GOLGA7B: variants seen among roughly 807,000 people sequenced by gnomAD.
GOLGA7B encodes golgin subfamily A member 7B.
Under a neutral mutation model 21.5 loss-of-function variants are expected in GOLGA7B, and 17 were observed. The observed-to-expected ratio is 0.79, with a 90% confidence interval of 0.54 to 1.19. The LOEUF is 1.19. Among genes scored for constraint, GOLGA7B ranks in the 50% most tolerant of loss-of-function variants. The pLI is 0.00. For synonymous variants in GOLGA7B, 87 were observed against 84.0 expected, an observed-to-expected ratio of 1.04 and a Z score of -0.19; for missense variants, 169 against 224.4, an observed-to-expected ratio of 0.75 and a Z score of 1.58.
chr10:97,868,204 A>G lies in GOLGA7B; in HGVS notation c.*2504A>G, dbSNP rs1488900309. On this transcript the variant is annotated 3_prime_UTR_variant, in exon 5 of 5. Coordinates refer to ENST00000370602, the MANE Select transcript of GOLGA7B (RefSeq NM_001010917.3). Reference sequence around the variant, plus strand: ...TCTTGAATTTTATAATTTATTGAGCACCTACTATGTGCCAGATACTTTGCT... The same window carrying G: ...TCTTGAATTTTATAATTTATTGAGCGCCTACTATGTGCCAGATACTTTGCT... The G allele has an allele frequency of 6.6e-6, 1 of 152,230 alleles. No individual in the cohort carries two copies. Among genetic ancestry groups the G allele is most frequent in the Admixed American group, 6.5e-5 (1 of 15,282 alleles). 9.4% of individuals were successfully genotyped at this position (152,230 alleles called of 1,614,324 possible).
chr10:97,865,562 C>T (rs56007204), intron 4 of GOLGA7B, 28 bp from the exon 5 acceptor site: 294,233 of 1,608,842 alleles, frequency 0.18, 30,379 homozygotes, highest in Middle Eastern at 0.25. Flanking sequence ...CAGCTGGGCT[C>T]GCAGCTCTCC....
intron 1 of GOLGA7B, among the ~76,000 whole-genome samples, chr10:97,855,526 T>G (rs1228442081): frequency 2.0e-5 from 3 of 152,168 alleles, no homozygotes; most frequent in African/African-American, 4.8e-5. Flanking sequence ...CATGGACTAT[T>G]AGAAAGAGAA....
At chr10:97,853,589 T>A (rs1328688080) in intron 1 of GOLGA7B, among the ~76,000 whole-genome samples, 1 of 152,158 alleles carries the variant, frequency 6.6e-6, no homozygotes, top group Non-Finnish European at 1.5e-5. Flanking sequence ...CTCGGCCCTG[T>A]CTTCACTCTG....
chr10:97,850,264 C>T lies in GOLGA7B; in HGVS notation c.-40C>T, dbSNP rs1286987552. On this transcript the variant is annotated 5_prime_UTR_variant, in exon 1 of 5. Transcript: ENST00000370602. ...CGGGGTCAGCACCGCGGAGACCCCC[C>T]TCGCCCGGCCCCGCGACAGCCTCCG... The T allele has an allele frequency of 6.9e-7, 1 of 1,456,718 alleles. No individual in the cohort carries two copies. The highest frequency in any genetic ancestry group is 9.1e-7 in the Non-Finnish European group (1 of 1,102,068). The allele number at this position is 1,456,718 out of a possible 1,614,324, so 90.2% of individuals were successfully genotyped here.
rs532389847 is a variant in GOLGA7B at position 97,867,877 on chromosome 10, A to G, written c.*2177A>G. 461 of 152,340 alleles carry G rather than the reference A, an allele frequency of 3.0e-3. 1 individual carries two copies. Among genetic ancestry groups the G allele is most frequent in the Non-Finnish European group, 5.0e-3 (339 of 68,082 alleles). 9.4% of individuals were successfully genotyped at this position (152,340 alleles called of 1,614,324 possible). A position where few individuals can be genotyped will look rare whatever the true frequency, so the allele number is the denominator to read the frequency against. On this transcript the variant is annotated 3_prime_UTR_variant, in exon 5 of 5. Transcript: ENST00000370602. ...AGCAGGATGAACTCTGTCTTCTTGGAGCTTGCAGTCTACTGAAGAGGCAGA... is the reference window on the plus strand; with the variant it reads ...AGCAGGATGAACTCTGTCTTCTTGGGGCTTGCAGTCTACTGAAGAGGCAGA...
At chr10:97,856,822 G>A (rs1017804847) in intron 1 of GOLGA7B, among the ~76,000 whole-genome samples, 6 of 152,112 alleles carry the variant, frequency 3.9e-5, no homozygotes, top group Admixed American at 1.3e-4. Context: ...GCATTTCTCT[G>A]ATGCTTATTG....
chr10:97,855,145 C>T (rs1035297816), intron 1 of GOLGA7B, among the ~76,000 whole-genome samples: 5 of 152,184 alleles, frequency 3.3e-5, no homozygotes, highest in Non-Finnish European at 5.9e-5. Flanking sequence ...TAGAGACACA[C>T]GCCTTCAGGA....
chr10:97,860,386 A>C (rs1260190936), intron 2 of GOLGA7B, among the ~76,000 whole-genome samples: 1 of 150,776 alleles, frequency 6.6e-6, no homozygotes, highest in Non-Finnish European at 1.5e-5. Flanking sequence ...TTTTCCCTTG[A>C]TGGAAATCCA....
In GOLGA7B at chr10:97,868,193, A is replaced by G. The variant is rs983063552; in HGVS notation, c.*2493A>G. On this transcript the variant is annotated 3_prime_UTR_variant, in exon 5 of 5. Coordinates refer to ENST00000370602, the MANE Select transcript of GOLGA7B (RefSeq NM_001010917.3). ...GCAGAGTTGTGTCTTGAATTTTATA[A>G]TTTATTGAGCACCTACTATGTGCCA... is the stretch of plus-strand genomic sequence containing the variant. The G allele has an allele frequency of 6.6e-5, 10 of 152,340 alleles. No homozygotes were observed. The highest frequency in any genetic ancestry group is 3.4e-3 in the Middle Eastern group (1 of 294). The allele number at this position is 152,340 out of a possible 1,614,324, so 9.4% of individuals were successfully genotyped here. A position where few individuals can be genotyped will look rare whatever the true frequency, so the allele number is the denominator to read the frequency against.
At chr10:97,854,937 C>A (rs528972628) in intron 1 of GOLGA7B, among the ~76,000 whole-genome samples, 1 of 152,278 alleles carries the variant, frequency 6.6e-6, no homozygotes, top group South Asian at 2.1e-4. Flanking sequence ...CAGGGCTCCA[C>A]CAGCCTCCAT....
At chr10:97,865,524 C>T (rs370716747) in intron 4 of GOLGA7B, 66 bp from the exon 5 acceptor site, 350 of 1,587,438 alleles carry the variant, frequency 2.2e-4, no homozygotes, top group South Asian at 5.3e-4. Flanking sequence ...GGACTCCATC[C>T]GCTGGTTCAT....
rs759344235 is a variant in GOLGA7B, at chr10:97,864,071, C to G, written c.280C>G (p.His94Asp). Residue 94 changes from histidine to aspartate, a missense_variant, in exon 3 of 5, where the codon CAC becomes GAC. His to Asp is a moderately conservative substitution (Grantham distance 81, BLOSUM62 -1). Transcript: ENST00000370602. ...AYFIFLCMET[H>D]YEKVLKKISR... The stretch of plus-strand genomic sequence containing the variant: ...CTTCATCTTCCTCTGCATGGAGACC[C>G]ACTATGAGAAGGTGGCCCCTCCCGC... 1 of 1,614,020 alleles carries G rather than the reference C, an allele frequency of 6.2e-7. No individual in the cohort carries two copies. Among genetic ancestry groups the G allele is most frequent in the Non-Finnish European group, 8.5e-7 (1 of 1,179,894 alleles).
intron 2 of GOLGA7B, among the ~76,000 whole-genome samples, chr10:97,863,561 T>G (rs371988533): frequency 3.9e-5 from 6 of 152,224 alleles, no homozygotes; most frequent in African/African-American, 9.6e-5. Context: ...TCAAAGTCAC[T>G]AGAATACTCG....
intron 1 of GOLGA7B, 21 bp downstream of exon 1, chr10:97,850,336 C>G (rs749637048): frequency 3.3e-6 from 5 of 1,511,376 alleles, no homozygotes; most frequent in Non-Finnish European, 3.5e-6. Context: ...GCGCCCCACC[C>G]GCAGGCAGTG....
At chr10:97,850,533 C>A (rs1316646801) in intron 1 of GOLGA7B, among the ~76,000 whole-genome samples, 1 of 152,174 alleles carries the variant, frequency 6.6e-6, no homozygotes, top group African/African-American at 2.4e-5. Context: ...AAGCTGTCCG[C>A]GACACTTGTT....
chr10:97,857,808 CAT>C (rs1250288249), intron 1 of GOLGA7B, among the ~76,000 whole-genome samples: 2 of 152,160 alleles, frequency 1.3e-5, no homozygotes, highest in African/African-American at 2.4e-5. Context: ...AAAATAGACA[CAT>C]AGACCAATGG....
Position 97,871,273 on chromosome 10 carries a change from A to G in GOLGA7B, c.*5573A>G, listed in dbSNP as rs1237725847. 2.0e-5 allele frequency: 3 copies of G among 152,188 alleles called. No individual in the cohort carries two copies. The highest frequency in any genetic ancestry group is 4.8e-5 in the African/African-American group (2 of 41,446). The allele number at this position is 152,188 out of a possible 1,614,324, so 9.4% of individuals were successfully genotyped here. On this transcript the variant is annotated 3_prime_UTR_variant, in exon 5 of 5. Coordinates refer to ENST00000370602, the MANE Select transcript of GOLGA7B (RefSeq NM_001010917.3). ...CTGCGTCGGGTTTTGAATCAGGGACAATGGAGGAAGTGGGAAACTGTGAAG... is the reference window on the plus strand; with the variant it reads ...CTGCGTCGGGTTTTGAATCAGGGACGATGGAGGAAGTGGGAAACTGTGAAG...
chr10:97,864,298 G>A (rs1188445450), intron 4 of GOLGA7B, 29 bp downstream of exon 4: 1 of 1,568,470 alleles, frequency 6.4e-7, no homozygotes, highest in Non-Finnish European at 8.8e-7. Context: ...CTGTGTTGAG[G>A]GCACAGGACT....
chr10:97,865,466 C>T, intron 4 of GOLGA7B, 124 bp from the exon 5 acceptor site: 22 of 1,506,576 alleles, frequency 1.5e-5, no homozygotes, highest in Non-Finnish European at 2.0e-5. Flanking sequence ...GCCTTTACAT[C>T]CCTACTGTCT....
Sources: gnomAD v4.1 joint callset for allele counts (sites outside exome capture counted in the v4.1 genomes callset) on GRCh38, gnomAD v4.1.1 for gene constraint, MANE v1.5 for transcripts, NCBI Gene and HGNC (gene_info 2026-07-23, HGNC 2026-07-21) for gene names.